The following PVT1 variants were observed in gnomAD, a reference collection of about 807,000 sequenced individuals.
The protein encoded by PVT1 is CXCR4/PVT1 fusion.
chr8:127,923,212 A>T (rs1254494009), intron 3 of PVT1, among the ~76,000 whole-genome samples: 2 of 152,204 alleles, frequency 1.3e-5, no homozygotes, highest in Non-Finnish European at 2.9e-5. Flanking sequence ...GTCACCGTTG[A>T]GTTCATCATA....
intron 3 of PVT1, among the ~76,000 whole-genome samples, chr8:127,982,093 G>C (rs75811840): frequency 0.068 from 10,327 of 152,194 alleles, 485 homozygotes; most frequent in East Asian, 0.14. Flanking sequence ...ATTCTGTGAC[G>C]TGGTTTCTTG....
intron 3 of PVT1, among the ~76,000 whole-genome samples, chr8:127,984,890 TTTC>T (rs1816937005): frequency 1.9e-5 from 2 of 103,456 alleles, no homozygotes; most frequent in Non-Finnish European, 4.1e-5. Flanking sequence ...TCTTTCTTTC[TTTC>T]TTTCTTTCTT....
intron 4 of PVT1, among the ~76,000 whole-genome samples, chr8:128,007,662 G>A (rs1414982080): frequency 6.6e-6 from 1 of 152,224 alleles, no homozygotes; most frequent in South Asian, 2.1e-4. Context: ...AATGTGTTTG[G>A]AAGGTATGAG....
chr8:128,040,424 A>G lies in PVT1; in HGVS notation n.913-29736A>G, dbSNP rs2648853. 7.3e-4 allele frequency among the ~76,000 whole-genome samples: 111 copies of G among 152,282 alleles called. 1 individual carries two copies. The East Asian group carries it at 0.02, about 28-fold the overall frequency. ...AGAGTTTGGACTTGCCAGCCCCCAT[A>G]ATCACACGAGCCAACTCCTTAAAAT... On this transcript the variant is annotated intron_variant and non_coding_transcript_variant, in intron 4 of 10. Transcript: ENST00000651587.
intron 3 of PVT1, among the ~76,000 whole-genome samples, chr8:127,975,194 T>TCAAA (rs1253603346): frequency 6.6e-6 from 1 of 152,194 alleles, no homozygotes; most frequent in Admixed American, 6.5e-5. Context: ...GATTATTGAG[T>TCAAA]CAAAGGGCAC....
intron 3 of PVT1, among the ~76,000 whole-genome samples, chr8:127,931,774 C>T (rs1275280810): frequency 6.6e-6 from 1 of 152,260 alleles, no homozygotes; most frequent in African/African-American, 2.4e-5. Context: ...GTCCAGACCT[C>T]TGTCCACCAC....
intron 3 of PVT1, among the ~76,000 whole-genome samples, chr8:127,941,418 C>A (rs1051806342): frequency 6.6e-6 from 1 of 152,090 alleles, no homozygotes; most frequent in Non-Finnish European, 1.5e-5. Flanking sequence ...TGAGGGGTGG[C>A]AGGTATTCTG....
At chr8:128,071,917 A>G (rs1461868072) in intron 5 of PVT1, among the ~76,000 whole-genome samples, 3 of 152,088 alleles carry the variant, frequency 2.0e-5, no homozygotes, top group African/African-American at 7.2e-5. Context: ...TGGCCTTAGG[A>G]AAGTCACTTC....
At position 127,910,912 on chromosome 8, in the gene PVT1, T is replaced by A. The variant is rs76963045; in HGVS notation, n.782+19914T>A. On this transcript the variant is annotated intron_variant and non_coding_transcript_variant, in intron 3 of 10. Coordinates refer to ENST00000651587, the Ensembl canonical transcript of PVT1. ...GTGTGTTTGTGTGTGTGTGTGTGTG[T>A]GAGAGAGAGAGAGAGAGAGATTGTG... Among the ~76,000 whole-genome samples, 410 of 148,896 alleles carry A rather than the reference T, an allele frequency of 2.8e-3. 6 individuals carry two copies. The East Asian group carries it at 0.035, about 13-fold the overall frequency.
At chr8:127,900,011 C>T (rs1436162437) in intron 3 of PVT1, among the ~76,000 whole-genome samples, 1 of 152,032 alleles carries the variant, frequency 6.6e-6, no homozygotes, top group East Asian at 1.9e-4. Flanking sequence ...GGATCATTGT[C>T]TTTATTTTAT....
intron 4 of PVT1, among the ~76,000 whole-genome samples, chr8:128,015,095 T>A (rs13278910): frequency 0.016 from 1,974 of 121,782 alleles, 34 homozygotes; most frequent in African/African-American, 0.053. Context: ...TTATTTATTA[T>A]TTATTTATTT....
intron 2 of PVT1, among the ~76,000 whole-genome samples, chr8:127,849,406 G>T (rs1815077267): frequency 6.6e-6 from 1 of 152,154 alleles, no homozygotes; most frequent in South Asian, 2.1e-4. Flanking sequence ...TTGCAGCTTG[G>T]CCCAGCTTTC....
chr8:128,072,327 G>A (rs1220946359), intron 5 of PVT1, among the ~76,000 whole-genome samples: 1 of 152,170 alleles, frequency 6.6e-6, no homozygotes, highest in Admixed American at 6.5e-5. Context: ...CTGGGCCACA[G>A]AACAAGCATG....
At position 127,921,460 on chromosome 8, in the gene PVT1, G is replaced by A. The variant is rs1484400512; in HGVS notation, n.782+30462G>A. Among the ~76,000 whole-genome samples the A allele has an allele frequency of 3.3e-5, 5 of 152,170 alleles. No homozygotes were observed. In the East Asian group the frequency reaches 5.8e-4, roughly 18 times the overall value. On this transcript the variant is annotated intron_variant and non_coding_transcript_variant, in intron 3 of 10. Transcript: ENST00000651587. ...TGTGAGAAAACGTGTGCTAAGGAAG[G>A]CCTCGACATTAGATTCATTCTGTAC...
At chr8:127,809,203 C>CT (rs1414107186) in intron 2 of PVT1, among the ~76,000 whole-genome samples, 2 of 151,832 alleles carry the variant, frequency 1.3e-5, no homozygotes, top group Non-Finnish European at 2.9e-5. Context: ...TCATTTTTTT[C>CT]TTTTTGGAGA....
chr8:127,882,500 T>TG (rs2129789110), intron 2 of PVT1, among the ~76,000 whole-genome samples: 1 of 152,132 alleles, frequency 6.6e-6, no homozygotes, highest in South Asian at 2.1e-4. Context: ...TTTTTTTTTT[T>TG]GAGATGGAGT....
intron 3 of PVT1, among the ~76,000 whole-genome samples, chr8:127,978,216 A>C (rs893042380): frequency 4.0e-5 from 6 of 151,888 alleles, no homozygotes; most frequent in Admixed American, 3.9e-4. Context: ...CAGTGGTGCA[A>C]TCATAGTTTA....
intron 5 of PVT1, among the ~76,000 whole-genome samples, chr8:128,079,036 T>C (rs1814136521): frequency 6.6e-6 from 1 of 151,606 alleles, no homozygotes; most frequent in Non-Finnish European, 1.5e-5. Context: ...AGTTGTTATC[T>C]TAAGGTGATT....
At chr8:127,874,754 G>A (rs1339549546) in intron 2 of PVT1, among the ~76,000 whole-genome samples, 1 of 152,176 alleles carries the variant, frequency 6.6e-6, no homozygotes, top group South Asian at 2.1e-4. Context: ...CCAAAAGAAG[G>A]TTTTCATCCT....
Sources: gnomAD v4.1 joint callset for allele counts (sites outside exome capture counted in the v4.1 genomes callset) on GRCh38, gnomAD v4.1.1 for gene constraint, MANE v1.5 for transcripts, NCBI Gene and HGNC (gene_info 2026-07-23, HGNC 2026-07-21) for gene names.